Variants in SNTG1 observed in about 807,000 individuals in gnomAD.
SNTG1 encodes gamma-1-syntrophin.
A neutral mutation model predicts 74.7 loss-of-function variants in SNTG1; 39 were observed. That is an observed-to-expected ratio of 0.52 (90% CI 0.40 to 0.68). The LOEUF (loss-of-function observed/expected upper bound fraction) is 0.68. Ranked by LOEUF, SNTG1 falls within the 30% of genes least tolerant of loss-of-function variation. SNTG1 has a pLI of 0.00. For synonymous variants in SNTG1, 254 were observed against 217.1 expected (o/e 1.17, Z -1.49); for missense variants, 685 against 609.5 (o/e 1.12, Z -1.30).
At chr8:50,450,305 A>G (rs2093444148) in intron 6 of SNTG1, among the ~76,000 whole-genome samples, 1 of 152,312 alleles carries the variant, frequency 6.6e-6, no homozygotes, top group East Asian at 1.9e-4. Context: ...CCCTTAGAAG[A>G]GTGGCTCATT....
intron 12 of SNTG1, among the ~76,000 whole-genome samples, chr8:50,569,464 A>AAGT (rs2094534588): frequency 6.6e-6 from 1 of 152,108 alleles, no homozygotes; most frequent in Admixed American, 6.5e-5. Context: ...TACCACTTGC[A>AAGT]AGTTAAAAAA....
chr8:50,597,109 C>T (rs909270307), intron 13 of SNTG1, among the ~76,000 whole-genome samples: 2 of 151,716 alleles, frequency 1.3e-5, no homozygotes, highest in African/African-American at 4.8e-5. Flanking sequence ...CTATTGTACT[C>T]TCTACTTGTA....
intron 2 of SNTG1, among the ~76,000 whole-genome samples, chr8:50,241,765 A>T (rs912241591): frequency 6.6e-6 from 1 of 152,188 alleles, no homozygotes; most frequent in Non-Finnish European, 1.5e-5. Context: ...TTAATGATTC[A>T]TGCCAGATGG....
chr8:50,241,388 G>A (rs1249888072), intron 2 of SNTG1, among the ~76,000 whole-genome samples: 1 of 152,124 alleles, frequency 6.6e-6, no homozygotes, highest in East Asian at 1.9e-4. Context: ...TGAGGTGACA[G>A]AATGGTTCCA....
chr8:50,230,198 G>A (rs555383571), intron 2 of SNTG1, among the ~76,000 whole-genome samples: 1 of 151,224 alleles, frequency 6.6e-6, no homozygotes, highest in South Asian at 2.1e-4. Context: ...TAAAGCAACA[G>A]AAGAAAAGTA....
intron 5 of SNTG1, among the ~76,000 whole-genome samples, chr8:50,442,106 C>A (rs558689508): frequency 2.6e-5 from 4 of 152,202 alleles, no homozygotes; most frequent in Non-Finnish European, 5.9e-5. Flanking sequence ...GGCTGACACT[C>A]TCGCATCCCC....
intron 1 of SNTG1, among the ~76,000 whole-genome samples, chr8:50,071,567 T>G (rs1055976196): frequency 6.6e-6 from 1 of 152,018 alleles, no homozygotes; most frequent in African/African-American, 2.4e-5. Flanking sequence ...AAACCTCCAC[T>G]TCCCAGGTTC....
intron 13 of SNTG1, among the ~76,000 whole-genome samples, chr8:50,603,393 A>G (rs956608623): frequency 6.6e-6 from 1 of 152,180 alleles, no homozygotes; most frequent in African/African-American, 2.4e-5. Context: ...AATTTATTTG[A>G]TAGAATTCTA....
At chr8:50,542,437 A>G (rs1843006) in intron 11 of SNTG1, among the ~76,000 whole-genome samples, 57,589 of 151,964 alleles carry the variant, frequency 0.38, 13,997 homozygotes, top group African/African-American at 0.7. Context: ...GATTAAAGGC[A>G]TGAGCCACCG....
At chr8:50,531,063 T>A (rs1354575472) in intron 10 of SNTG1, among the ~76,000 whole-genome samples, 1 of 152,186 alleles carries the variant, frequency 6.6e-6, no homozygotes, top group Non-Finnish European at 1.5e-5. Flanking sequence ...ACTGGTATGA[T>A]TCATCCTGCA....
intron 13 of SNTG1, among the ~76,000 whole-genome samples, chr8:50,604,143 G>T (rs902724387): frequency 1.3e-5 from 2 of 152,198 alleles, no homozygotes; most frequent in African/African-American, 2.4e-5. Context: ...AATCTACTGG[G>T]TACAGAGGCT....
intron 9 of SNTG1, among the ~76,000 whole-genome samples, chr8:50,506,589 T>C (rs1232207680): frequency 6.6e-6 from 1 of 152,064 alleles, no homozygotes; most frequent in Non-Finnish European, 1.5e-5. Flanking sequence ...ATTATTCTTT[T>C]TGATGCTATT....
chr8:50,129,740 G>T (rs137899707), intron 1 of SNTG1, among the ~76,000 whole-genome samples: 1 of 152,038 alleles, frequency 6.6e-6, no homozygotes, highest in Non-Finnish European at 1.5e-5. Context: ...TGCAAATACA[G>T]CAGGAAAAAG....
At chr8:49,944,352 A>G (rs967414707) in intron 1 of SNTG1, among the ~76,000 whole-genome samples, 15 of 152,158 alleles carry the variant, frequency 9.9e-5, no homozygotes, top group African/African-American at 3.6e-4. Flanking sequence ...ACAGATCAGT[A>G]GATGCTGTGC....
chr8:50,257,822 A>G (rs184557876), intron 2 of SNTG1, among the ~76,000 whole-genome samples: 43 of 152,238 alleles, frequency 2.8e-4, no homozygotes, highest in Non-Finnish European at 5.7e-4. Context: ...CTCCAAACTT[A>G]ATTGAATCAG....
intron 2 of SNTG1, among the ~76,000 whole-genome samples, chr8:50,204,692 T>A (rs1367585924): frequency 6.6e-6 from 1 of 152,086 alleles, no homozygotes; most frequent in African/African-American, 2.4e-5. Flanking sequence ...TTACATTAGT[T>A]ATATCTCCTA....
At chr8:50,281,760 T>C (rs2088469511) in intron 2 of SNTG1, among the ~76,000 whole-genome samples, 2 of 152,192 alleles carry the variant, frequency 1.3e-5, no homozygotes, top group African/African-American at 4.8e-5. Context: ...GTAACATTGG[T>C]TTCTTTGCAA....
intron 1 of SNTG1, among the ~76,000 whole-genome samples, chr8:50,080,401 T>C (rs929015345): frequency 2.0e-5 from 3 of 152,186 alleles, no homozygotes; most frequent in African/African-American, 4.8e-5. Flanking sequence ...TATCTTACAT[T>C]TTTATCAAGA....
intron 2 of SNTG1, among the ~76,000 whole-genome samples, chr8:50,264,193 A>G (rs1276476544): frequency 6.6e-6 from 1 of 152,166 alleles, no homozygotes; most frequent in Non-Finnish European, 1.5e-5. Context: ...AGCGTTTACA[A>G]AAACACTACA....
Sources: allele counts gnomAD v4.1 joint callset (sites outside exome capture counted in the v4.1 genomes callset), GRCh38; gene constraint gnomAD v4.1.1; transcripts MANE v1.5; gene names NCBI Gene and HGNC (gene_info 2026-07-23, HGNC 2026-07-21).